Variants in FER observed in about 807,000 individuals in gnomAD.
The protein encoded by FER is FER tyrosine kinase.
Under a neutral mutation model 111.0 loss-of-function variants are expected in FER, and 63 were observed. That is an observed-to-expected ratio of 0.57 (90% CI 0.46 to 0.70). FER has a LOEUF of 0.70. FER is among the 30% of genes least tolerant of loss of function. The pLI is 0.00. For missense variants in FER, 914 were observed against 954.0 expected (o/e 0.96, Z 0.55); for synonymous variants, 327 against 313.9 (o/e 1.04, Z -0.44).
intron 10 of FER, among the ~76,000 whole-genome samples, chr5:108,936,944 C>T (rs1455449254): frequency 2.0e-5 from 3 of 151,918 alleles, no homozygotes; most frequent in African/African-American, 4.8e-5. Flanking sequence ...GGGATAACTA[C>T]AGATTCTTAA....
chr5:108,892,023 T>C lies in FER; in HGVS notation c.1047-5636T>C, dbSNP rs1346481754. On this transcript the variant is annotated intron_variant, in intron 9 of 19. Coordinates refer to ENST00000281092, the MANE Select transcript of FER (RefSeq NM_005246.4). ...TCCTTTTTTATGGCTGCATAGTATT[T>C]CATGGTGTATATGTGCCACATTTTC... Among the ~76,000 whole-genome samples, 30 of 152,136 alleles carry C rather than the reference T, an allele frequency of 2.0e-4. No homozygotes were observed. In the South Asian group the frequency reaches 4.8e-3, roughly 24 times the overall value.
intron 5 of FER, among the ~76,000 whole-genome samples, chr5:108,845,769 A>T (rs1290464063): frequency 3.9e-5 from 6 of 152,174 alleles, no homozygotes; most frequent in Non-Finnish European, 1.5e-5. Flanking sequence ...GTAGTTTTTT[A>T]AAGACTTAAA....
chr5:108,871,208 T>C (rs903460850), intron 6 of FER, among the ~76,000 whole-genome samples, 157 bp from the exon 7 acceptor site: 2 of 152,090 alleles, frequency 1.3e-5, no homozygotes, highest in African/African-American at 4.8e-5. Flanking sequence ...TAATCCCTCT[T>C]CTTTACTCTC....
At chr5:108,883,362 TGTTG>T (rs1346693166) in intron 8 of FER, 30 bp from the exon 9 acceptor site, 3 of 1,552,512 alleles carry the variant, frequency 1.9e-6, no homozygotes, top group South Asian at 1.2e-5. Context: ...AAAATTAATT[TGTTG>T]GTTGTTATTG....
chr5:108,993,187 C>T (rs552563990), intron 13 of FER, among the ~76,000 whole-genome samples: 12 of 152,288 alleles, frequency 7.9e-5, no homozygotes, highest in African/African-American at 2.4e-4. Flanking sequence ...CCAAGGCAGG[C>T]GGCTGGGAGG....
At chr5:108,842,221 G>C (rs1761339827) in intron 5 of FER, 1 of 152,220 alleles carries the variant, frequency 6.6e-6, no homozygotes, top group Non-Finnish European at 1.5e-5. Flanking sequence ...CAGTTGATAG[G>C]TACATGGAGA....
At chr5:108,918,212 C>A (rs1408509230) in intron 10 of FER, among the ~76,000 whole-genome samples, 3 of 152,154 alleles carry the variant, frequency 2.0e-5, no homozygotes, top group Non-Finnish European at 4.4e-5. Flanking sequence ...GGAAGCAAAG[C>A]TTTTCATTGT....
chr5:108,998,799 G>T (rs907397249), intron 13 of FER, among the ~76,000 whole-genome samples: 2 of 152,170 alleles, frequency 1.3e-5, no homozygotes, highest in Non-Finnish European at 2.9e-5. Context: ...GCATCACAGG[G>T]TGAACCTGAC....
chr5:108,898,033 C>T (rs1443273177), intron 10 of FER, among the ~76,000 whole-genome samples, 185 bp downstream of exon 10: 2 of 152,168 alleles, frequency 1.3e-5, no homozygotes, highest in Non-Finnish European at 2.9e-5. Context: ...AGAGCACTTT[C>T]AGGAACCACC....
intron 10 of FER, among the ~76,000 whole-genome samples, chr5:108,933,277 G>A (rs141092247): frequency 1.3e-5 from 2 of 152,154 alleles, no homozygotes; most frequent in East Asian, 1.9e-4. Flanking sequence ...TTAATAAGGT[G>A]TGAGGAAGGG....
chr5:108,965,248 C>G (rs1051355071), intron 13 of FER, among the ~76,000 whole-genome samples: 5 of 151,990 alleles, frequency 3.3e-5, no homozygotes, highest in Admixed American at 6.6e-5. Flanking sequence ...TTTTTAAATC[C>G]CAGTTTTCAC....
chr5:109,101,703 A>G (rs1748256468), intron 17 of FER, among the ~76,000 whole-genome samples: 1 of 152,148 alleles, frequency 6.6e-6, no homozygotes, highest in African/African-American at 2.4e-5. Flanking sequence ...ATGACTGTAG[A>G]TTGAATCACA....
At chr5:108,785,770 C>A (rs947342746) in intron 2 of FER, among the ~76,000 whole-genome samples, 2 of 152,154 alleles carry the variant, frequency 1.3e-5, no homozygotes, top group African/African-American at 2.4e-5. Context: ...GCATGGGCTG[C>A]CTTCTGCCCC....
chr5:109,164,604 C>G (rs946340488), intron 17 of FER, among the ~76,000 whole-genome samples: 2 of 152,110 alleles, frequency 1.3e-5, no homozygotes, highest in Admixed American at 6.6e-5. Flanking sequence ...ACTATATTTG[C>G]TGCATTTGCC....
chr5:109,046,687 A>G (rs1384295909), intron 15 of FER, among the ~76,000 whole-genome samples: 1 of 152,146 alleles, frequency 6.6e-6, no homozygotes, highest in African/African-American at 2.4e-5. Flanking sequence ...TGATGATTGC[A>G]TCTGTACAGA....
At chr5:109,052,252 G>C (rs1018932030) in intron 16 of FER, 6 of 1,605,406 alleles carry the variant, frequency 3.7e-6, no homozygotes, top group African/African-American at 2.7e-5. Context: ...GATTGGGAAA[G>C]ACTTGTCATA....
chr5:108,999,343 G>C (rs1252302562), intron 13 of FER, among the ~76,000 whole-genome samples: 1 of 152,068 alleles, frequency 6.6e-6, no homozygotes, highest in East Asian at 1.9e-4. Context: ...ATATTCACCT[G>C]TATGGATAGT....
At chr5:109,066,133 TTGTC>T (rs1775063454) in intron 16 of FER, among the ~76,000 whole-genome samples, 1 of 152,226 alleles carries the variant, frequency 6.6e-6, no homozygotes, top group Non-Finnish European at 1.5e-5. Context: ...TCTTCTGTGT[TTGTC>T]TGCGTTAGTT....
At chr5:108,990,357 T>A (rs558911873) in intron 13 of FER, among the ~76,000 whole-genome samples, 81 of 151,722 alleles carry the variant, frequency 5.3e-4, no homozygotes, top group African/African-American at 1.9e-3. Context: ...AGACTTAGAG[T>A]TTTCTAAAAA....
Sources: gnomAD v4.1 joint callset for allele counts (sites outside exome capture counted in the v4.1 genomes callset) on GRCh38, gnomAD v4.1.1 for gene constraint, MANE v1.5 for transcripts, NCBI Gene and HGNC (gene_info 2026-07-23, HGNC 2026-07-21) for gene names.